The following SLC6A16 variants were observed in gnomAD, a reference collection of about 807,000 sequenced individuals.
SLC6A16 encodes solute carrier family 6 member 16.
A neutral mutation model predicts 65.4 loss-of-function variants in SLC6A16; 54 were observed. The observed-to-expected ratio is 0.83, with a 90% CI of 0.66 to 1.04. SLC6A16 has a LOEUF of 1.04. Ranked by LOEUF, SLC6A16 falls within the 50% of genes least tolerant of loss-of-function variation. The pLI, the probability that SLC6A16 is intolerant of heterozygous loss-of-function variation, is 0.00. For synonymous variants in SLC6A16, 330 were observed against 346.5 expected (o/e 0.95, Z 0.53); for missense variants, 816 against 914.0 (o/e 0.89, Z 1.38).
At chr19:49,328,210 G>A (rs980711799), upstream of SLC6A16, among the ~76,000 whole-genome samples, 1 of 152,102 alleles carries the variant, frequency 6.6e-6, no homozygotes, top group African/African-American at 2.4e-5. Context: ...AGCTTGGCTG[G>A]GGAGGCCTCA....
At chr19:49,315,540 C>A (rs933991341) in intron 1 of SLC6A16, among the ~76,000 whole-genome samples, 4 of 152,094 alleles carry the variant, frequency 2.6e-5, no homozygotes, top group Non-Finnish European at 5.9e-5. Flanking sequence ...TGCCTGTAAT[C>A]CCAGCCCTTT....
chr19:49,324,147 C>G (rs1489773671), intron 1 of SLC6A16, among the ~76,000 whole-genome samples: 1 of 152,092 alleles, frequency 6.6e-6, no homozygotes, highest in Non-Finnish European at 1.5e-5. Context: ...CAGGCCAACA[C>G]AGTGAAACCC....
At chr19:49,339,635 A>T in the SLC6A16 span, 1 of 1,423,694 alleles carries the variant, frequency 7.0e-7, no homozygotes, top group Non-Finnish European at 9.2e-7. The surrounding 1 kb of genome is among the most constrained non-coding windows in gnomAD (Gnocchi z 4.5). Context: ...ATTGGCTGCG[A>T]TCTCCCTCCC....
chr19:49,290,256 C>T lies in SLC6A16; in HGVS notation c.2078G>A (p.Gly693Glu), dbSNP rs1970048754. Residue 693 changes from glycine (G) to glutamate (E), a missense_variant, in exon 12 of 12, where the codon GGA becomes GAA. Coordinates refer to ENST00000335875, the MANE Select transcript of SLC6A16 (RefSeq NM_014037.3). ...IHRIPFRPKS[G>E]DGPMTASTSL... ...TGTGGAGGCTGTCATAGGCCCGTCT[C>T]CGCTCTTGGGCCTGAAGGGAATCCT... The T allele has an allele frequency of 3.7e-6, 6 of 1,613,938 alleles. No individual in the cohort carries two copies. The Admixed American group carries it at 8.3e-5, about 22-fold the overall frequency.
chr19:49,289,921 CAAT>C lies in SLC6A16; in HGVS notation c.*199_*201del. ...GTGTTGAGGAAGAGGATGGGGAAAA[CAAT>C]GATGGTGGTCACCAGGTAAGATGGG... is the stretch of plus-strand genomic sequence containing the variant. On this transcript the variant is annotated 3_prime_UTR_variant, in exon 12 of 12. Coordinates refer to ENST00000335875, the MANE Select transcript of SLC6A16 (RefSeq NM_014037.3). 5.0e-6 allele frequency: 3 copies of C among 594,986 alleles called. No individual in the cohort carries two copies. In the South Asian group the frequency reaches 6.3e-5, roughly 12 times the overall value. 36.9% of individuals were successfully genotyped at this position (594,986 alleles called of 1,614,324 possible). A position where few individuals can be genotyped will look rare whatever the true frequency, so the allele number is the denominator to read the frequency against.
the SLC6A16 span, chr19:49,338,232 T>C: frequency 7.0e-7 from 1 of 1,419,052 alleles, no homozygotes; most frequent in Non-Finnish European, 9.2e-7. The surrounding 1 kb of genome is among the most constrained non-coding windows in gnomAD (Gnocchi z 5.0). Context: ...GACCCTGGCG[T>C]GGCTTCGCCA....
chr19:49,335,701 C>T, the SLC6A16 span: 2 of 1,613,900 alleles, frequency 1.2e-6, no homozygotes, highest in Non-Finnish European at 8.5e-7. The surrounding 1 kb of genome is among the most constrained non-coding windows in gnomAD (Gnocchi z 4.6). Context: ...GTATCCGCAT[C>T]TCCTCTCCCC....
At chr19:49,322,965 T>C (rs1355820135) in intron 1 of SLC6A16, among the ~76,000 whole-genome samples, 1 of 151,290 alleles carries the variant, frequency 6.6e-6, no homozygotes, top group East Asian at 1.9e-4. Context: ...TGTACTCACA[T>C]TTCCTGATTT....
chr19:49,297,123 G>A (rs1316239030), intron 7 of SLC6A16, among the ~76,000 whole-genome samples: 3 of 152,084 alleles, frequency 2.0e-5, no homozygotes, highest in Admixed American at 1.3e-4. Context: ...CTTCATTAAC[G>A]AAAGACAAAC....
At chr19:49,310,664 T>C (rs1970502143) in intron 2 of SLC6A16, among the ~76,000 whole-genome samples, 154 bp from the exon 3 acceptor site, 1 of 152,148 alleles carries the variant, frequency 6.6e-6, no homozygotes, top group Non-Finnish European at 1.5e-5. Flanking sequence ...CGGTCCCAAG[T>C]GTCCAGTCCT....
chr19:49,296,827 A>G (rs1196086415), intron 7 of SLC6A16, among the ~76,000 whole-genome samples: 1 of 152,030 alleles, frequency 6.6e-6, no homozygotes, highest in Non-Finnish European at 1.5e-5. Context: ...CATCTCTACT[A>G]AAAATACAAA....
the SLC6A16 span, among the ~76,000 whole-genome samples, chr19:49,333,926 G>A: frequency 6.6e-6 from 1 of 152,210 alleles, no homozygotes; most frequent in African/African-American, 2.4e-5. Context: ...CAGGATCCCA[G>A]GCTCAGTGCC....
At chr19:49,328,446 G>T (rs578120553), upstream of SLC6A16, among the ~76,000 whole-genome samples, 14 of 152,198 alleles carry the variant, frequency 9.2e-5, no homozygotes, top group African/African-American at 2.9e-4. Flanking sequence ...TTTTGGGTGG[G>T]GACACAGCCA....
At chr19:49,326,352 G>A (rs1970797163), upstream of SLC6A16, among the ~76,000 whole-genome samples, 1 of 152,046 alleles carries the variant, frequency 6.6e-6, no homozygotes, top group African/African-American at 2.4e-5. Flanking sequence ...TATATTCAAA[G>A]AGGAAATGAA....
chr19:49,313,703 G>GGA (rs1970566577), intron 1 of SLC6A16, among the ~76,000 whole-genome samples: 1 of 151,802 alleles, frequency 6.6e-6, no homozygotes, highest in Non-Finnish European at 1.5e-5. Context: ...GGCTGACTTA[G>GGA]GAGAATCACT....
At chr19:49,320,280 C>G (rs151008387) in intron 1 of SLC6A16, among the ~76,000 whole-genome samples, 5 of 151,744 alleles carry the variant, frequency 3.3e-5, no homozygotes, top group African/African-American at 1.2e-4. Context: ...TGGTGGTGGG[C>G]GCCTGTAATC....
the SLC6A16 span, among the ~76,000 whole-genome samples, chr19:49,333,746 G>A: frequency 3.9e-5 from 6 of 152,288 alleles, no homozygotes; most frequent in South Asian, 1.0e-3. Flanking sequence ...AGACTGATGC[G>A]CTGTTGGGGA....
At chr19:49,308,579 C>T (rs1479871477) in intron 7 of SLC6A16, among the ~76,000 whole-genome samples, 2 of 152,226 alleles carry the variant, frequency 1.3e-5, no homozygotes, top group East Asian at 3.9e-4. Context: ...ATTAGAGAAG[C>T]CTTCAATGTT....
rs940860242 is a variant in SLC6A16 at position 49,310,845 on chromosome 19, A to G, written c.415+88T>C. ...AGCACCAGGTCTTTAGTCTCTACAT[A>G]TCTCAGAAACATTCATGGTTAAAGC... On this transcript the variant is annotated intron_variant, in intron 2 of 11. Transcript: ENST00000335875. 6.7e-6 allele frequency: 7 copies of G among 1,046,608 alleles called. No individual in the cohort carries two copies. In the African/African-American group the frequency reaches 8.0e-5, roughly 12 times the overall value. The allele number at this position is 1,046,608 out of a possible 1,614,324, so 64.8% of individuals were successfully genotyped here.
Sources: allele counts gnomAD v4.1 joint callset (sites outside exome capture counted in the v4.1 genomes callset), GRCh38; gene constraint gnomAD v4.1.1; non-coding constraint Gnocchi (gnomAD v3.1); transcripts MANE v1.5; gene names NCBI Gene and HGNC (gene_info 2026-07-23, HGNC 2026-07-21).